Variants in CTTNBP2 observed in about 807,000 individuals in gnomAD.
CTTNBP2 encodes cortactin-binding protein 2.
Under a neutral mutation model 156.9 loss-of-function variants are expected in CTTNBP2, and 108 were observed. That is an observed-to-expected ratio of 0.69 (90% CI 0.59 to 0.81). The LOEUF is 0.81. CTTNBP2 is among the 30% of genes least tolerant of loss of function. The probability of loss-of-function intolerance (pLI) is 0.00; values close to 1 mark genes in which losing one functional copy is unlikely to be tolerated. For missense variants in CTTNBP2, 1,924 were observed against 2,035.4 expected (o/e 0.95, Z 1.05); for synonymous variants, 767 against 751.8 (o/e 1.02, Z -0.33).
intron 3 of CTTNBP2, among the ~76,000 whole-genome samples, chr7:117,797,765 GA>G (rs1213787103): frequency 6.6e-6 from 1 of 151,884 alleles, no homozygotes; most frequent in African/African-American, 2.4e-5. Flanking sequence ...GAAGAGCATA[GA>G]AAAAAAGATT....
chr7:117,801,320 G>A (rs750673742), intron 3 of CTTNBP2, among the ~76,000 whole-genome samples: 1 of 152,156 alleles, frequency 6.6e-6, no homozygotes, highest in African/African-American at 2.4e-5. Flanking sequence ...ACATGCAAAA[G>A]CTGAATAAAA....
chr7:117,803,191 T>C (rs142354008), intron 3 of CTTNBP2, among the ~76,000 whole-genome samples: 23 of 152,292 alleles, frequency 1.5e-4, no homozygotes, highest in African/African-American at 5.3e-4. Context: ...ATATACGCCA[T>C]ACGTATACAC....
At chr7:117,852,664 C>T (rs772443915) in intron 2 of CTTNBP2, among the ~76,000 whole-genome samples, 16 of 152,180 alleles carry the variant, frequency 1.1e-4, no homozygotes, top group Non-Finnish European at 1.9e-4. Flanking sequence ...CAAGGCTTTA[C>T]TTCTGTTTAT....
intron 14 of CTTNBP2, among the ~76,000 whole-genome samples, chr7:117,743,320 G>A (rs1437975014): frequency 2.6e-5 from 4 of 152,194 alleles, no homozygotes; most frequent in South Asian, 2.1e-4. Flanking sequence ...GAAAAAATGC[G>A]GGAGACTTTT....
At chr7:117,866,926 A>G (rs1804239764) in intron 1 of CTTNBP2, among the ~76,000 whole-genome samples, 1 of 152,238 alleles carries the variant, frequency 6.6e-6, no homozygotes, top group Non-Finnish European at 1.5e-5. Context: ...CTATGTAAGC[A>G]AGATTTATGC....
chr7:117,743,679 T>C (rs1284486474), intron 14 of CTTNBP2, among the ~76,000 whole-genome samples: 1 of 143,284 alleles, frequency 7.0e-6, no homozygotes, highest in Non-Finnish European at 1.5e-5. Flanking sequence ...GGAGAACCAC[T>C]TGAACCAGCG....
At chr7:117,793,385 T>C (rs1203397483) in intron 3 of CTTNBP2, 2 of 152,244 alleles carry the variant, frequency 1.3e-5, no homozygotes. Flanking sequence ...TAGAACTACA[T>C]TTGGTGTCAG....
chr7:117,773,404 T>C (rs1797899511), intron 8 of CTTNBP2, among the ~76,000 whole-genome samples: 1 of 152,002 alleles, frequency 6.6e-6, no homozygotes, highest in South Asian at 2.1e-4. Context: ...TCCTAACACA[T>C]AAAAATGATC....
intron 7 of CTTNBP2, among the ~76,000 whole-genome samples, chr7:117,779,242 T>C (rs536210729): frequency 6.6e-6 from 1 of 152,300 alleles, no homozygotes; most frequent in East Asian, 1.9e-4. Context: ...CTGAAGAGTG[T>C]AAGTGCTTTT....
At chr7:117,871,804 C>T in intron 1 of CTTNBP2, 1 of 342,306 alleles carries the variant, frequency 2.9e-6, no homozygotes, top group East Asian at 1.8e-4. Context: ...CACACACACA[C>T]ACACACACAC....
chr7:117,860,544 C>T (rs1394325611), intron 2 of CTTNBP2, among the ~76,000 whole-genome samples: 3 of 152,004 alleles, frequency 2.0e-5, no homozygotes, highest in African/African-American at 2.4e-5. Context: ...GGGGTTTCAC[C>T]GTGTTAGCCA....
chr7:117,711,473 T>C lies in CTTNBP2; in HGVS notation c.*64A>G, dbSNP rs1794049448. 6.6e-7 allele frequency: 1 copy of C among 1,504,638 alleles called. No individual in the cohort carries two copies. Among genetic ancestry groups the C allele is most frequent in the Admixed American group, 2.1e-5 (1 of 48,496 alleles). The allele number at this position is 1,504,638 out of a possible 1,614,324, so 93.2% of individuals were successfully genotyped here. On this transcript the variant is annotated 3_prime_UTR_variant, in exon 23 of 23. Coordinates refer to ENST00000160373, the MANE Select transcript of CTTNBP2 (RefSeq NM_033427.3). ...TTTTATCAATTTAAAGGTATTTGTA[T>C]CTTGTTGTCCTTGGTTTCTGTGTGA...
intron 2 of CTTNBP2, among the ~76,000 whole-genome samples, chr7:117,817,361 A>ATATATATATATAT (rs1298639361): frequency 0.023 from 1,249 of 53,232 alleles, 179 homozygotes; most frequent in East Asian, 0.047. Flanking sequence ...AAAAAAAAAA[A>ATATATATATATAT]ATATATATAT....
chr7:117,764,845 G>A lies in CTTNBP2; in HGVS notation c.2896+2214C>T, dbSNP rs188254393. On this transcript the variant is annotated intron_variant, in intron 9 of 22. Coordinates refer to ENST00000160373, the MANE Select transcript of CTTNBP2 (RefSeq NM_033427.3). ...CACATGCAAGAGTACTTCTAGCTAT[G>A]TGCTTAGGCGAGGAGTAGTTTGTTG... Among the ~76,000 whole-genome samples the A allele has an allele frequency of 9.2e-5, 14 of 152,280 alleles. No individual in the cohort carries two copies. In the East Asian group the frequency reaches 2.7e-3, roughly 29 times the overall value.
At chr7:117,790,608 A>C (rs1798939616) in intron 4 of CTTNBP2, among the ~76,000 whole-genome samples, 1 of 152,154 alleles carries the variant, frequency 6.6e-6, no homozygotes, top group Admixed American at 6.5e-5. Context: ...TAAAAAAAAA[A>C]AAAACCGAAA....
chr7:117,774,766 C>T (rs535886283), intron 8 of CTTNBP2, among the ~76,000 whole-genome samples: 2 of 152,196 alleles, frequency 1.3e-5, no homozygotes, highest in Admixed American at 6.5e-5. Context: ...AAACTGAAGT[C>T]ATCTTCTTGG....
At position 117,823,453 on chromosome 7, in the gene CTTNBP2, AAAAG is replaced by A. The variant is rs1430642949; in HGVS notation, c.190-12468_190-12465del. On this transcript the variant is annotated intron_variant, in intron 2 of 22. Coordinates refer to ENST00000160373, the MANE Select transcript of CTTNBP2 (RefSeq NM_033427.3). ...AATAAATTTGCATAAATTTGAAAATAAAAGAAATATTTTTATATATTTGGTAATA... is the reference window on the plus strand; with the variant it reads ...AATAAATTTGCATAAATTTGAAAATAAAATATTTTTATATATTTGGTAATA... 9.2e-5 allele frequency among the ~76,000 whole-genome samples: 14 copies of A among 152,346 alleles called. No homozygotes were observed. The East Asian group carries it at 2.1e-3, about 23-fold the overall frequency.
chr7:117,797,005 C>G (rs1238768504), intron 3 of CTTNBP2, among the ~76,000 whole-genome samples: 3 of 152,168 alleles, frequency 2.0e-5, no homozygotes, highest in African/African-American at 7.2e-5. Flanking sequence ...GAAGAGTAAA[C>G]CCTCCTGTAA....
At chr7:117,814,833 T>C (rs1800486660) in intron 2 of CTTNBP2, among the ~76,000 whole-genome samples, 1 of 152,254 alleles carries the variant, frequency 6.6e-6, no homozygotes, top group Non-Finnish European at 1.5e-5. Context: ...AGTGGCTTTG[T>C]ATTTGTTGCT....
Sources: gnomAD v4.1 joint callset for allele counts (sites outside exome capture counted in the v4.1 genomes callset) on GRCh38, gnomAD v4.1.1 for gene constraint, MANE v1.5 for transcripts, NCBI Gene and HGNC (gene_info 2026-07-23, HGNC 2026-07-21) for gene names.